Variants in STK3 observed in about 807,000 individuals in gnomAD.
The protein encoded by STK3 is serine/threonine-protein kinase 3.
In STK3, 41 loss-of-function variants were observed where a neutral mutation model predicts 58.0. The ratio of observed to expected loss-of-function variants is 0.71; its 90% confidence interval spans 0.55 to 0.92. The LOEUF is 0.92. Ranked by LOEUF, STK3 falls within the 40% of genes least tolerant of loss-of-function variation. STK3 has a pLI of 0.00. For missense variants in STK3, 479 were observed against 602.7 expected (o/e 0.79, Z 2.15); for synonymous variants, 170 against 191.0 (o/e 0.89, Z 0.91).
intron 9 of STK3, among the ~76,000 whole-genome samples, chr8:98,538,482 A>C (rs1273946555): frequency 6.6e-6 from 1 of 152,228 alleles, no homozygotes; most frequent in Non-Finnish European, 1.5e-5. Context: ...GAACTTAATA[A>C]GTATCCAAGT....
chr8:98,458,024 T>C (rs1401428207), intron 10 of STK3, among the ~76,000 whole-genome samples: 6 of 152,210 alleles, frequency 3.9e-5, no homozygotes, highest in African/African-American at 1.4e-4. Context: ...ATTAAGGAAT[T>C]AGGTGTTCAT....
chr8:98,440,170 A>G (rs1052370915), intron 1 of STK3, among the ~76,000 whole-genome samples: 2 of 152,194 alleles, frequency 1.3e-5, no homozygotes, highest in African/African-American at 4.8e-5. Flanking sequence ...TGAGAGGCAC[A>G]GACGGACAAA....
intron 1 of STK3, among the ~76,000 whole-genome samples, chr8:98,895,064 G>T (rs1055192397): frequency 1.3e-5 from 2 of 152,166 alleles, no homozygotes; most frequent in Non-Finnish European, 2.9e-5. Context: ...AATGGCATGG[G>T]AACTCAGGAG....
chr8:98,783,271 T>C (rs1832231274), intron 1 of STK3, among the ~76,000 whole-genome samples: 1 of 152,182 alleles, frequency 6.6e-6, no homozygotes, highest in Admixed American at 6.5e-5. Flanking sequence ...ACAATAGCAT[T>C]ATGTCTGAAA....
At chr8:98,650,174 T>C (rs1423221807) in intron 6 of STK3, among the ~76,000 whole-genome samples, 4 of 152,252 alleles carry the variant, frequency 2.6e-5, no homozygotes, top group Non-Finnish European at 4.4e-5. Context: ...AAATAAAATG[T>C]ATTTTTCCTC....
chr8:98,893,421 GGAAAGAAA>G (rs1230218579), intron 1 of STK3, among the ~76,000 whole-genome samples: 1,367 of 60,132 alleles, frequency 0.023, 59 homozygotes, highest in Non-Finnish European at 0.032. Flanking sequence ...AAGGAAGGAA[GGAAAGAAA>G]GAAAGAAAGA....
downstream of STK3, chr8:98,883,548 AAAG>A (rs1239084009): frequency 1.2e-5 from 7 of 601,628 alleles, no homozygotes; most frequent in African/African-American, 1.8e-5. Flanking sequence ...ACATAAATAA[AAAG>A]AAGAATTTAT....
chr8:98,437,526 T>A (rs1021176797), intron 1 of STK3: 5 of 152,072 alleles, frequency 3.3e-5, no homozygotes, highest in African/African-American at 1.2e-4. Context: ...TTGGGGAGGT[T>A]TTTTTCCACT....
chr8:98,364,653 C>T, the STK3 span, among the ~76,000 whole-genome samples: 1 of 152,224 alleles, frequency 6.6e-6, no homozygotes, highest in African/African-American at 2.4e-5. Context: ...GCTGCTGCTT[C>T]TCCATCTTCC....
intron 6 of STK3, among the ~76,000 whole-genome samples, chr8:98,629,430 T>C (rs1447800748): frequency 1.3e-5 from 2 of 152,126 alleles, no homozygotes; most frequent in Non-Finnish European, 2.9e-5. Flanking sequence ...CAAACATTGG[T>C]TCATATAATC....
chr8:98,520,026 T>C (rs1825231912), intron 10 of STK3, among the ~76,000 whole-genome samples: 1 of 152,270 alleles, frequency 6.6e-6, no homozygotes, highest in African/African-American at 2.4e-5. Context: ...CCAAAATATA[T>C]CTATTTAAAT....
At chr8:98,781,893 A>C (rs34384550) in intron 1 of STK3, among the ~76,000 whole-genome samples, 1 of 152,238 alleles carries the variant, frequency 6.6e-6, no homozygotes, top group Non-Finnish European at 1.5e-5. Flanking sequence ...AGGTGGTGAA[A>C]TTGATAAAAA....
intron 3 of STK3, among the ~76,000 whole-genome samples, chr8:98,836,156 G>A (rs569537177): frequency 1.1e-4 from 17 of 151,898 alleles, no homozygotes; most frequent in Admixed American, 5.2e-4. Context: ...AGCTGAGATC[G>A]CACTATTGCA....
intron 6 of STK3, among the ~76,000 whole-genome samples, chr8:98,622,443 T>C (rs1818405178): frequency 6.6e-6 from 1 of 152,164 alleles, no homozygotes; most frequent in Non-Finnish European, 1.5e-5. Flanking sequence ...GACTATAATA[T>C]ACAGCTTCCC....
At chr8:98,390,587 T>C (rs1817839250), upstream of STK3, among the ~76,000 whole-genome samples, 1 of 152,196 alleles carries the variant, frequency 6.6e-6, no homozygotes, top group Non-Finnish European at 1.5e-5. Context: ...TGATAATTTT[T>C]CAGGCATTAT....
At chr8:98,609,628 T>G (rs551265739) in intron 6 of STK3, among the ~76,000 whole-genome samples, 1 of 152,204 alleles carries the variant, frequency 6.6e-6, no homozygotes, top group South Asian at 2.1e-4. Context: ...ATGAACTAAT[T>G]GCCTTGAATG....
chr8:98,584,016 A>G (rs1814194526), intron 7 of STK3, among the ~76,000 whole-genome samples: 1 of 152,062 alleles, frequency 6.6e-6, no homozygotes, highest in South Asian at 2.1e-4. Flanking sequence ...TTAAAAAAGT[A>G]TGTCTTTTAA....
At chr8:98,350,216 T>C in the STK3 span, among the ~76,000 whole-genome samples, 1 of 152,120 alleles carries the variant, frequency 6.6e-6, no homozygotes, top group East Asian at 1.9e-4. Flanking sequence ...TCCACAAATC[T>C]CTAGGGCAGG....
chr8:98,738,405 G>A (rs532375375), intron 4 of STK3, among the ~76,000 whole-genome samples: 8 of 152,134 alleles, frequency 5.3e-5, no homozygotes, highest in East Asian at 1.9e-4. Context: ...TCTGGGAGGC[G>A]GAAGTTGCAG....
Sources: gnomAD v4.1 joint callset for allele counts (sites outside exome capture counted in the v4.1 genomes callset) on GRCh38, gnomAD v4.1.1 for gene constraint, MANE v1.5 for transcripts, NCBI Gene and HGNC (gene_info 2026-07-23, HGNC 2026-07-21) for gene names.